Variants in SH3GL2 observed in about 807,000 individuals in gnomAD.
SH3GL2 encodes the protein SH3 domain containing GRB2 like 2, endophilin A1, also known as endophilin-A1.
Under a neutral mutation model 46.0 loss-of-function variants are expected in SH3GL2, and 24 were observed. The observed-to-expected ratio is 0.52, with a 90% CI of 0.38 to 0.73. SH3GL2 has a LOEUF of 0.73. Among genes scored for constraint, SH3GL2 ranks in the 30% least tolerant of loss-of-function variants. SH3GL2 has a pLI of 0.00. For synonymous variants in SH3GL2, 196 were observed against 147.1 expected (o/e 1.33, Z -2.40); for missense variants, 413 against 424.2 (o/e 0.97, Z 0.23).
intron 1 of SH3GL2, among the ~76,000 whole-genome samples, chr9:17,586,247 A>G (rs1818375732): frequency 6.6e-6 from 1 of 152,178 alleles, no homozygotes; most frequent in Non-Finnish European, 1.5e-5. Context: ...GTCAAATTGT[A>G]TATAGTAGTA....
intron 1 of SH3GL2, among the ~76,000 whole-genome samples, chr9:17,730,939 C>T (rs537128033): frequency 2.6e-5 from 4 of 152,218 alleles, no homozygotes; most frequent in African/African-American, 9.6e-5. Flanking sequence ...TAAGTGCACA[C>T]TTAGGCTTAC....
At chr9:17,652,350 T>A (rs959359427) in intron 1 of SH3GL2, among the ~76,000 whole-genome samples, 22 of 152,048 alleles carry the variant, frequency 1.4e-4, no homozygotes, top group Non-Finnish European at 2.6e-4. Flanking sequence ...GTTTTTATTT[T>A]ATATTTCAGA....
At chr9:17,627,946 G>C (rs530693666) in intron 1 of SH3GL2, among the ~76,000 whole-genome samples, 2 of 152,200 alleles carry the variant, frequency 1.3e-5, no homozygotes, top group Non-Finnish European at 2.9e-5. Context: ...CATGTCTCGG[G>C]CTTCTTACTT....
At chr9:17,733,662 C>T (rs1377479974) in intron 1 of SH3GL2, among the ~76,000 whole-genome samples, 3 of 151,908 alleles carry the variant, frequency 2.0e-5, no homozygotes, top group Admixed American at 6.6e-5. Context: ...TATAAAGACA[C>T]ATGCACACAT....
At chr9:17,745,661 A>T (rs1233339107) in intron 1 of SH3GL2, among the ~76,000 whole-genome samples, 1 of 146,506 alleles carries the variant, frequency 6.8e-6, no homozygotes, top group African/African-American at 2.4e-5. Flanking sequence ...TGAAGGACAG[A>T]TAGAGGGGGT....
At chr9:17,690,631 A>G (rs919565039) in intron 1 of SH3GL2, among the ~76,000 whole-genome samples, 1 of 152,086 alleles carries the variant, frequency 6.6e-6, no homozygotes, top group Non-Finnish European at 1.5e-5. Flanking sequence ...AGTGGTAGAA[A>G]TGTGCACTGT....
At chr9:17,653,337 T>G (rs150044122) in intron 1 of SH3GL2, among the ~76,000 whole-genome samples, 1 of 152,190 alleles carries the variant, frequency 6.6e-6, no homozygotes, top group Admixed American at 6.5e-5. Flanking sequence ...CTTCAATACT[T>G]TCTCCCATCT....
chr9:17,795,821 A>C lies in SH3GL2; in HGVS notation c.*78A>C. On this transcript the variant is annotated 3_prime_UTR_variant, in exon 9 of 9. Transcript: ENST00000380607. ...CACTGCTTTGGCAATGCTGCTTATA[A>C]CACATCCCAAGTGCAGGCCGCAGTG... is the stretch of plus-strand genomic sequence containing the variant. 1 of 1,209,688 alleles carries C rather than the reference A, an allele frequency of 8.3e-7. No individual in the cohort carries two copies. The highest frequency in any genetic ancestry group is 1.2e-6 in the Non-Finnish European group (1 of 841,366). 74.9% of individuals were successfully genotyped at this position (1,209,688 alleles called of 1,614,324 possible). A position where few individuals can be genotyped will look rare whatever the true frequency, so the allele number is the denominator to read the frequency against.
chr9:17,715,448 T>C (rs1022133039), intron 1 of SH3GL2, among the ~76,000 whole-genome samples: 3 of 151,968 alleles, frequency 2.0e-5, no homozygotes, highest in African/African-American at 7.2e-5. Flanking sequence ...CTTCACTTAC[T>C]CTTCTGTTAA....
At chr9:17,751,859 C>G (rs568371802) in intron 2 of SH3GL2, among the ~76,000 whole-genome samples, 12 of 152,074 alleles carry the variant, frequency 7.9e-5, no homozygotes, top group African/African-American at 2.9e-4. Context: ...ACACACCCCC[C>G]CGGTGTGGGG....
At chr9:17,712,152 A>G (rs1032373428) in intron 1 of SH3GL2, among the ~76,000 whole-genome samples, 3 of 151,336 alleles carry the variant, frequency 2.0e-5, no homozygotes, top group Non-Finnish European at 4.4e-5. Flanking sequence ...TCATTTCTCT[A>G]TTGGGTGATT....
chr9:17,608,460 G>A (rs1436851293), intron 1 of SH3GL2, among the ~76,000 whole-genome samples: 1 of 152,156 alleles, frequency 6.6e-6, no homozygotes, highest in Admixed American at 6.5e-5. Context: ...TCTGTTAATG[G>A]AAACTTTGAT....
chr9:17,689,651 A>G (rs1821021436), intron 1 of SH3GL2, among the ~76,000 whole-genome samples: 2 of 151,966 alleles, frequency 1.3e-5, no homozygotes, highest in Non-Finnish European at 2.9e-5. Flanking sequence ...TCCCTTGAAT[A>G]TGCAAGGTTA....
At chr9:17,755,093 G>C (rs1790585720) in intron 2 of SH3GL2, among the ~76,000 whole-genome samples, 1 of 152,136 alleles carries the variant, frequency 6.6e-6, no homozygotes, top group South Asian at 2.1e-4. Context: ...TCCAGCTTTT[G>C]CCCATTCAGT....
intron 1 of SH3GL2, among the ~76,000 whole-genome samples, chr9:17,715,744 G>C (rs1029554265): frequency 1.6e-4 from 24 of 151,846 alleles, no homozygotes; most frequent in Non-Finnish European, 3.4e-4. Context: ...CCTATCATAA[G>C]TTGAAAATAT....
intron 3 of SH3GL2, among the ~76,000 whole-genome samples, chr9:17,783,872 A>G (rs573096600): frequency 6.6e-6 from 1 of 152,266 alleles, no homozygotes; most frequent in African/African-American, 2.4e-5. Context: ...TGGTAAAGCA[A>G]TCCAGGTTGA....
intron 1 of SH3GL2, among the ~76,000 whole-genome samples, chr9:17,616,461 G>A (rs1028321451): frequency 3.9e-5 from 6 of 152,082 alleles, no homozygotes; most frequent in Non-Finnish European, 5.9e-5. Context: ...TATACACTGA[G>A]CTAATGAAGG....
chr9:17,636,672 A>G (rs900008560), intron 1 of SH3GL2, among the ~76,000 whole-genome samples: 1 of 152,180 alleles, frequency 6.6e-6, no homozygotes, highest in African/African-American at 2.4e-5. Flanking sequence ...CATCACCCTT[A>G]TATCAACTGG....
chr9:17,619,568 C>T (rs1819083742), intron 1 of SH3GL2, among the ~76,000 whole-genome samples: 2 of 152,030 alleles, frequency 1.3e-5, no homozygotes, highest in African/African-American at 4.8e-5. Context: ...ATCCCAGCTA[C>T]TCGGGAGGCT....
Sources: allele counts gnomAD v4.1 joint callset (sites outside exome capture counted in the v4.1 genomes callset), GRCh38; gene constraint gnomAD v4.1.1; transcripts MANE v1.5; gene names NCBI Gene and HGNC (gene_info 2026-07-23, HGNC 2026-07-21).